LRP1B: variants seen among roughly 807,000 people sequenced by gnomAD.
The protein encoded by LRP1B is LDL receptor related protein 1B, also known as low-density lipoprotein receptor-related protein 1B.
Under a neutral mutation model 556.6 loss-of-function variants are expected in LRP1B, and 217 were observed. The observed-to-expected ratio is 0.39, with a 90% CI of 0.35 to 0.44. The LOEUF is 0.44. Among genes scored for constraint, LRP1B ranks in the 20% least tolerant of loss-of-function variants. LRP1B has a pLI of 1.00. For missense variants in LRP1B, 5,053 were observed against 5,620.8 expected, an observed-to-expected ratio of 0.90 and a Z score of 3.23; for synonymous variants, 2,047 against 1,865.8, an observed-to-expected ratio of 1.10 and a Z score of -2.50.
chr2:141,274,714 C>G (rs1455883888), intron 3 of LRP1B, among the ~76,000 whole-genome samples: 1 of 151,902 alleles, frequency 6.6e-6, no homozygotes, highest in East Asian at 1.9e-4. Context: ...GTAAATAATA[C>G]CATTATAAAG....
In LRP1B at chr2:140,867,830, C is replaced by G. The variant is rs2105154443; in HGVS notation, c.4339G>C (p.Asp1447His). ...TCATAGAGGGCTGAATAAATAGCAT[C>G]TGACCTACAGAAAGATAAATACATG... is the stretch of plus-strand genomic sequence containing the variant. ...KRIVWTDARS[D>H]AIYSALYDGT... The change falls in exon 27 of 91, where the codon GAT (aspartate) becomes CAT (histidine). Residue 1447 changes from aspartate to histidine, a missense_variant. Physicochemically the swap from Asp to His is moderately conservative, Grantham distance 81. Transcript: ENST00000389484. The G allele has an allele frequency of 6.5e-7, 1 of 1,538,700 alleles. No homozygotes were observed. The highest frequency in any genetic ancestry group is 8.7e-7 in the Non-Finnish European group (1 of 1,143,136).
At chr2:140,990,721 C>A (rs531866349) in intron 16 of LRP1B, among the ~76,000 whole-genome samples, 2 of 152,202 alleles carry the variant, frequency 1.3e-5, no homozygotes, top group South Asian at 2.1e-4. Flanking sequence ...TTAATGTTAA[C>A]CTTCTATGAT....
At chr2:141,241,744 T>C (rs1683884943) in intron 5 of LRP1B, among the ~76,000 whole-genome samples, 2 of 152,046 alleles carry the variant, frequency 1.3e-5, no homozygotes. Flanking sequence ...TACCACAGTG[T>C]TCCTAATTTC....
In LRP1B at chr2:141,254,511, G is replaced by A; in HGVS notation, c.463+11C>T. On this transcript the variant is annotated intron_variant, in intron 4 of 90. Transcript: ENST00000389484. ...TAAACAAAATTTGATGGCGTTATAT[G>A]TTTTACTTACCTTTACAGCTTCTCC... 2 of 1,610,670 alleles carry A rather than the reference G, an allele frequency of 1.2e-6. No individual in the cohort carries two copies. Among genetic ancestry groups the A allele is most frequent in the East Asian group, 2.2e-5 (1 of 44,660 alleles).
At chr2:141,183,243 A>C (rs755109184) in intron 7 of LRP1B, among the ~76,000 whole-genome samples, 5 of 152,066 alleles carry the variant, frequency 3.3e-5, no homozygotes, top group Non-Finnish European at 5.9e-5. Context: ...GCCACCTAAC[A>C]GAAGTAGAAA....
rs141613458 is a variant in LRP1B at position 141,276,891 on chromosome 2, C to A, written c.344-22250G>T. On this transcript the variant is annotated intron_variant, in intron 3 of 90. Coordinates refer to ENST00000389484, the MANE Select transcript of LRP1B (RefSeq NM_018557.3). ...CAGGATGGTCTTGATCTCCTGACCT[C>A]GTGATCTGCCCGCCTCGGCCTCCCA... 4.7e-3 allele frequency among the ~76,000 whole-genome samples: 720 copies of A among 152,140 alleles called. 3 individuals are homozygous for A. The highest frequency in any genetic ancestry group is 0.015 in the African/African-American group (642 of 41,530).
At chr2:140,871,089 G>A (rs1693114911) in intron 25 of LRP1B, among the ~76,000 whole-genome samples, 1 of 152,160 alleles carries the variant, frequency 6.6e-6, no homozygotes, top group African/African-American at 2.4e-5. Context: ...TTTGGTAAGT[G>A]TTATTAGATA....
chr2:141,543,265 T>A (rs72853556), intron 2 of LRP1B, among the ~76,000 whole-genome samples: 11,882 of 151,880 alleles, frequency 0.078, 582 homozygotes, highest in South Asian at 0.16. Flanking sequence ...TCCCAGCACA[T>A]TGGGAGGCCA....
Position 141,049,100 on chromosome 2 carries a change from G to T in LRP1B, c.1675C>A (p.Arg559Ser). 6.2e-7 allele frequency: 1 copy of T among 1,613,498 alleles called. No individual in the cohort carries two copies. The highest frequency in any genetic ancestry group is 1.1e-5 in the South Asian group (1 of 91,068). ...GTTTCTGCGTGAAAGTCTAAAGCAC[G>T]AGGGTTTACCAGATTTTCTATGGGG... is the stretch of plus-strand genomic sequence containing the variant. ...MIPIENLVNPRALDFHAETNY... is the reference protein window; with the variant it reads ...MIPIENLVNPSALDFHAETNY... The change falls in exon 11 of 91, where the codon CGT becomes AGT. Residue 559 changes from arginine to serine, a missense_variant. Around this residue, in one of 5 missense-constraint regions of LRP1B, gnomAD observed 3,619 missense variants for 3,931.9 expected, o/e 0.92. Coordinates refer to ENST00000389484, the MANE Select transcript of LRP1B (RefSeq NM_018557.3).
intron 2 of LRP1B, among the ~76,000 whole-genome samples, chr2:141,681,278 G>A (rs1430682402): frequency 6.6e-6 from 1 of 151,954 alleles, no homozygotes; most frequent in Non-Finnish European, 1.5e-5. Context: ...GGGTGACGGA[G>A]CAAGAGCTCG....
chr2:140,584,593 C>T (rs1056242439), intron 43 of LRP1B, among the ~76,000 whole-genome samples: 2 of 152,026 alleles, frequency 1.3e-5, no homozygotes, highest in African/African-American at 4.8e-5. Context: ...TGAAGGGACA[C>T]CAGTTATTTT....
intron 69 of LRP1B, 67 bp from the exon 70 acceptor site, chr2:140,371,352 A>C (rs895105278): frequency 7.9e-5 from 59 of 743,048 alleles, no homozygotes; most frequent in Middle Eastern, 2.9e-4. Flanking sequence ...ATAAAAACAT[A>C]AACACATAAA....
At chr2:141,492,034 T>C (rs1458408247) in intron 2 of LRP1B, among the ~76,000 whole-genome samples, 3 of 129,268 alleles carry the variant, frequency 2.3e-5, no homozygotes, top group African/African-American at 9.1e-5. Context: ...ATTATCAATA[T>C]ATAAATCATT....
At chr2:140,366,069 T>A (rs1682746164) in intron 71 of LRP1B, among the ~76,000 whole-genome samples, 1 of 151,666 alleles carries the variant, frequency 6.6e-6, no homozygotes, top group African/African-American at 2.4e-5. Context: ...TAGAATCAGT[T>A]GGATTGTAGA....
intron 56 of LRP1B, 78 bp downstream of exon 56, chr2:140,495,487 T>C (rs751248863): frequency 2.7e-4 from 360 of 1,334,788 alleles, no homozygotes; most frequent in Non-Finnish European, 3.6e-4. Flanking sequence ...GAGGAGTGAA[T>C]TCAATAAGAA....
At chr2:140,240,545 G>A (rs1423042742) in intron 87 of LRP1B, among the ~76,000 whole-genome samples, 1 of 150,792 alleles carries the variant, frequency 6.6e-6, no homozygotes, top group Non-Finnish European at 1.5e-5. Flanking sequence ...ATTATAAGAA[G>A]AAAACTGAAT....
At chr2:141,153,558 T>C (rs919445364) in intron 7 of LRP1B, among the ~76,000 whole-genome samples, 1 of 112,924 alleles carries the variant, frequency 8.9e-6, no homozygotes, top group Non-Finnish European at 2.0e-5. Flanking sequence ...ATTAGCTATA[T>C]ATATTTATAT....
At position 140,394,124 on chromosome 2, in the gene LRP1B, ATTT is replaced by A. The variant is rs34965660; in HGVS notation, c.10415-8118_10415-8116del. ...TAGCCCGTAGGGTTTACTGGCACAT[ATTT>A]TTTTTTTTTTTTTTTTTTGGTGCAT... On this transcript the variant is annotated intron_variant, in intron 66 of 90. Transcript: ENST00000389484. 6.4e-3 allele frequency among the ~76,000 whole-genome samples: 780 copies of A among 122,490 alleles called. 10 individuals are homozygous for A. The highest frequency in any genetic ancestry group is 0.023 in the African/African-American group (743 of 32,672). 80.4% of individuals were successfully genotyped at this position (122,490 alleles called of 152,430 possible).
intron 3 of LRP1B, among the ~76,000 whole-genome samples, chr2:141,263,672 C>T (rs1684782682): frequency 6.6e-6 from 1 of 152,016 alleles, no homozygotes; most frequent in African/African-American, 2.4e-5. Context: ...TGGAATTACC[C>T]CAATCCACAA....
Sources: allele counts gnomAD v4.1 joint callset (sites outside exome capture counted in the v4.1 genomes callset), GRCh38; gene constraint gnomAD v4.1.1; regional missense constraint gnomAD v4.1.1; transcripts MANE v1.5; gene names NCBI Gene and HGNC (gene_info 2026-07-23, HGNC 2026-07-21).